KCNIP1: variants seen among roughly 807,000 people sequenced by gnomAD.
KCNIP1 encodes A-type potassium channel modulatory protein KCNIP1.
KCNIP1 carries 18 observed loss-of-function variants against 33.0 expected under a neutral mutation model. The ratio of observed to expected loss-of-function variants is 0.55; its 90% CI spans 0.38 to 0.81. KCNIP1 has a LOEUF of 0.81. KCNIP1 is among the 30% of genes least tolerant of loss of function. The pLI is 0.00. For synonymous variants in KCNIP1, 93 were observed against 98.3 expected (o/e 0.95, Z 0.32); for missense variants, 238 against 271.6 (o/e 0.88, Z 0.87).
intron 1 of KCNIP1, among the ~76,000 whole-genome samples, chr5:170,600,973 T>G (rs1758669020): frequency 6.6e-6 from 1 of 152,242 alleles, no homozygotes; most frequent in Non-Finnish European, 1.5e-5. Context: ...AGACTTCATA[T>G]CAAATTCCAG....
chr5:170,487,064 G>A (rs2113188376), intron 1 of KCNIP1, among the ~76,000 whole-genome samples: 1 of 152,298 alleles, frequency 6.6e-6, no homozygotes, highest in South Asian at 2.1e-4. Context: ...TCTAGAGAGA[G>A]AAAGAGATTT....
chr5:170,491,173 G>GT (rs148631929), intron 1 of KCNIP1, among the ~76,000 whole-genome samples: 2,514 of 152,280 alleles, frequency 0.017, 59 homozygotes, highest in East Asian at 0.052. Flanking sequence ...CAGAGAAAAT[G>GT]TTATCTTGGT....
chr5:170,683,889 AGTGTATGTGTGTGTGTGTGTGTGTGTGT>A (rs1762449534), intron 1 of KCNIP1, among the ~76,000 whole-genome samples: 1 of 124,600 alleles, frequency 8.0e-6, no homozygotes, highest in Non-Finnish European at 1.8e-5. Context: ...ATGCCCAGCT[AGTGTATGTGTGTGTGTGTGTGTGTGTGT>A]GTGTGTGTGT....
intron 1 of KCNIP1, among the ~76,000 whole-genome samples, chr5:170,622,514 C>G (rs762793833): frequency 6.6e-6 from 1 of 150,772 alleles, no homozygotes; most frequent in African/African-American, 2.4e-5. Context: ...CCCAGCTACT[C>G]GGGAGGCTGA....
intron 1 of KCNIP1, among the ~76,000 whole-genome samples, chr5:170,371,985 A>G (rs1017204894): frequency 6.6e-6 from 1 of 152,142 alleles, no homozygotes; most frequent in Non-Finnish European, 1.5e-5. Flanking sequence ...CAATTCTGAC[A>G]CTAACTACCC....
At chr5:170,419,161 G>C (rs950080025) in intron 1 of KCNIP1, among the ~76,000 whole-genome samples, 1 of 152,224 alleles carries the variant, frequency 6.6e-6, no homozygotes, top group Non-Finnish European at 1.5e-5. Context: ...GACAGACAGA[G>C]TCAGTGTCCA....
chr5:170,550,274 T>C (rs1425371865), intron 1 of KCNIP1, among the ~76,000 whole-genome samples: 3 of 152,192 alleles, frequency 2.0e-5, no homozygotes, highest in Non-Finnish European at 2.9e-5. Flanking sequence ...AAAAAGTTTA[T>C]CTAGGAAAGG....
chr5:170,384,177 G>GT (rs1281813017), intron 1 of KCNIP1, among the ~76,000 whole-genome samples: 2 of 152,216 alleles, frequency 1.3e-5, no homozygotes, highest in Admixed American at 6.5e-5. Flanking sequence ...TTCTTGGGTG[G>GT]TTTGGCCCAG....
chr5:170,567,961 G>T (rs962365320), intron 1 of KCNIP1, among the ~76,000 whole-genome samples: 3 of 152,282 alleles, frequency 2.0e-5, no homozygotes, highest in East Asian at 3.9e-4. Context: ...AGGATGGCTC[G>T]GGTGTGTGGA....
chr5:170,353,602 C>T (rs945146967), exon 1 of KCNIP1: 65 of 541,530 alleles, frequency 1.2e-4, no homozygotes, highest in Middle Eastern at 5.0e-4. Flanking sequence ...AGTGCTGTCC[C>T]GGCCCTGGCA....
intron 1 of KCNIP1, among the ~76,000 whole-genome samples, chr5:170,469,621 C>A (rs1175050815): frequency 6.6e-6 from 1 of 152,170 alleles, no homozygotes; most frequent in East Asian, 1.9e-4. Context: ...TCTGAGGGCA[C>A]CAATGCCCTC....
At chr5:170,495,589 C>T (rs796124144) in intron 1 of KCNIP1, among the ~76,000 whole-genome samples, 9 of 152,360 alleles carry the variant, frequency 5.9e-5, no homozygotes, top group African/African-American at 2.2e-4. Context: ...AGGCCACCAA[C>T]CCTCGAACTC....
chr5:170,708,562 C>G (rs1763338337), intron 1 of KCNIP1, among the ~76,000 whole-genome samples: 1 of 152,118 alleles, frequency 6.6e-6, no homozygotes, highest in Non-Finnish European at 1.5e-5. Context: ...TCAAAATTAC[C>G]ATGATTTAAT....
chr5:170,440,372 G>A (rs1387906443), intron 1 of KCNIP1, among the ~76,000 whole-genome samples: 8 of 152,196 alleles, frequency 5.3e-5, no homozygotes, highest in Middle Eastern at 3.2e-3. Flanking sequence ...AATACACAGC[G>A]GGGGTCCCAG....
At chr5:170,574,001 C>T (rs1457611239) in intron 1 of KCNIP1, among the ~76,000 whole-genome samples, 1 of 152,214 alleles carries the variant, frequency 6.6e-6, no homozygotes, top group Non-Finnish European at 1.5e-5. Flanking sequence ...TAGAGAAAAA[C>T]TCCTTGCAGA....
chr5:170,472,294 G>A (rs1484675221), intron 1 of KCNIP1, among the ~76,000 whole-genome samples: 1 of 152,246 alleles, frequency 6.6e-6, no homozygotes, highest in Non-Finnish European at 1.5e-5. Context: ...TCCCCAGGCA[G>A]ATGGAGGCAA....
intron 1 of KCNIP1, among the ~76,000 whole-genome samples, chr5:170,704,207 G>GGTAGACCAGGGCCCTAGCGTGGAC (rs1407747461): frequency 3.0e-4 from 28 of 94,158 alleles, no homozygotes; most frequent in African/African-American, 7.1e-4. Context: ...ACAGGGATTA[G>GGTAGACCAGGGCCCTAGCGTGGAC]TCTCTGTGAC....
intron 4 of KCNIP1, among the ~76,000 whole-genome samples, chr5:170,722,175 C>T (rs978094835): frequency 6.6e-6 from 1 of 152,128 alleles, no homozygotes; most frequent in Non-Finnish European, 1.5e-5. Context: ...GTACTTAGGG[C>T]TTTGTATGTA....
At chr5:170,558,355 T>C (rs1483260775) in intron 1 of KCNIP1, among the ~76,000 whole-genome samples, 4 of 152,222 alleles carry the variant, frequency 2.6e-5, no homozygotes, top group Non-Finnish European at 5.9e-5. Flanking sequence ...CTGAGCAACA[T>C]AGTGAGACCC....
Sources: gnomAD v4.1 joint callset for allele counts (sites outside exome capture counted in the v4.1 genomes callset) on GRCh38, gnomAD v4.1.1 for gene constraint, MANE v1.5 for transcripts, NCBI Gene and HGNC (gene_info 2026-07-23, HGNC 2026-07-21) for gene names.